Variants in SSBP2 observed in about 807,000 individuals in gnomAD.
SSBP2 encodes the protein single-stranded DNA-binding protein 2.
A neutral mutation model predicts 61.8 loss-of-function variants in SSBP2; 17 were observed. The observed-to-expected ratio is 0.28, with a 90% confidence interval of 0.19 to 0.41. SSBP2 has a LOEUF of 0.41. SSBP2 is among the 10% of genes least tolerant of loss of function. The pLI is 1.00. For missense variants in SSBP2, 310 were observed against 458.7 expected, an observed-to-expected ratio of 0.68 and a Z score of 2.96; for synonymous variants, 139 against 141.3, an observed-to-expected ratio of 0.98 and a Z score of 0.12.
At chr5:81,744,719 A>T (rs1029532696) in intron 1 of SSBP2, among the ~76,000 whole-genome samples, 1 of 152,148 alleles carries the variant, frequency 6.6e-6, no homozygotes, top group Non-Finnish European at 1.5e-5. Flanking sequence ...GAAGATCAAA[A>T]ATAGGAGATT....
intron 6 of SSBP2, among the ~76,000 whole-genome samples, chr5:81,482,652 G>A (rs1766081940): frequency 6.6e-6 from 1 of 152,144 alleles, no homozygotes; most frequent in Non-Finnish European, 1.5e-5. Context: ...GCCTCACTCT[G>A]GATTAGGCTT....
chr5:81,485,562 T>C (rs952868640), intron 6 of SSBP2, among the ~76,000 whole-genome samples: 3 of 152,232 alleles, frequency 2.0e-5, no homozygotes, highest in African/African-American at 7.2e-5. Context: ...AAGAGGTTAC[T>C]ATTTCTATTT....
intron 1 of SSBP2, among the ~76,000 whole-genome samples, chr5:81,662,585 C>T (rs1199372708): frequency 1.3e-5 from 2 of 151,336 alleles, no homozygotes; most frequent in African/African-American, 4.9e-5. Flanking sequence ...AGGTGAATCA[C>T]GAGGTCAGGA....
intron 4 of SSBP2, among the ~76,000 whole-genome samples, chr5:81,530,345 T>G (rs1770294876): frequency 6.6e-6 from 1 of 152,066 alleles, no homozygotes; most frequent in Non-Finnish European, 1.5e-5. Flanking sequence ...GATACACAAT[T>G]AGAGGTATTT....
intron 1 of SSBP2, among the ~76,000 whole-genome samples, chr5:81,728,834 T>C (rs186790462): frequency 6.6e-6 from 1 of 152,336 alleles, no homozygotes; most frequent in East Asian, 1.9e-4. Context: ...ACGCATCTAC[T>C]GAATCCCTAC....
chr5:81,710,764 G>T, intron 1 of SSBP2: 1 of 435,962 alleles, frequency 2.3e-6, no homozygotes. Context: ...AGGCACAGAT[G>T]AATTCTAAAA....
chr5:81,520,559 T>A (rs1282639408), intron 4 of SSBP2, among the ~76,000 whole-genome samples: 2 of 152,172 alleles, frequency 1.3e-5, no homozygotes, highest in Non-Finnish European at 2.9e-5. Flanking sequence ...TTTTATTTTT[T>A]AATTTGTTTT....
chr5:81,511,932 T>C (rs1480261306), intron 5 of SSBP2, among the ~76,000 whole-genome samples: 1 of 152,068 alleles, frequency 6.6e-6, no homozygotes, highest in African/African-American at 2.4e-5. Flanking sequence ...AGATAAAAGA[T>C]AGGCAAACGG....
intron 1 of SSBP2, among the ~76,000 whole-genome samples, chr5:81,733,121 AAAAT>A (rs1330893127): frequency 2.0e-5 from 3 of 152,180 alleles, no homozygotes; most frequent in African/African-American, 7.2e-5. Flanking sequence ...CTTCCTAGGG[AAAAT>A]AAATAGGCCT....
intron 5 of SSBP2, among the ~76,000 whole-genome samples, chr5:81,490,688 A>G (rs1766793171): frequency 6.6e-6 from 1 of 152,206 alleles, no homozygotes; most frequent in South Asian, 2.1e-4. Flanking sequence ...TCTAAAAAAT[A>G]AAATCCTAAT....
At chr5:81,593,122 T>A (rs1743267838) in intron 4 of SSBP2, among the ~76,000 whole-genome samples, 2 of 151,906 alleles carry the variant, frequency 1.3e-5, no homozygotes, top group Admixed American at 1.3e-4. Context: ...ATAACTAGAA[T>A]AACCAATGCA....
chr5:81,448,781 T>G lies in SSBP2; in HGVS notation c.723+9A>C, dbSNP rs753521909. The G allele has an allele frequency of 1.9e-6, 3 of 1,612,096 alleles. No individual in the cohort carries two copies. In the Admixed American group the frequency reaches 5.0e-5, roughly 27 times the overall value. On this transcript the variant is annotated intron_variant, in intron 11 of 16. Transcript: ENST00000320672. ...ATTCTTATAAGCAAACAAACCCAAATGTACTTACTACATAATTCCCAGGAG... is the reference window on the plus strand; with the variant it reads ...ATTCTTATAAGCAAACAAACCCAAAGGTACTTACTACATAATTCCCAGGAG...
intron 1 of SSBP2, among the ~76,000 whole-genome samples, chr5:81,743,205 T>A (rs981648281): frequency 3.3e-5 from 5 of 152,190 alleles, no homozygotes; most frequent in Non-Finnish European, 7.3e-5. Context: ...ACCAGGCAAG[T>A]ATGGCTTCTT....
At chr5:81,576,826 G>A (rs929951523) in intron 4 of SSBP2, among the ~76,000 whole-genome samples, 1 of 152,060 alleles carries the variant, frequency 6.6e-6, no homozygotes, top group African/African-American at 2.4e-5. Flanking sequence ...GGCAGAAGAA[G>A]TTCAGGGTGT....
chr5:81,682,719 C>A (rs1362948107), intron 1 of SSBP2, among the ~76,000 whole-genome samples: 1 of 151,998 alleles, frequency 6.6e-6, no homozygotes, highest in African/African-American at 2.4e-5. Context: ...TTGAAAAGAT[C>A]AAACTGTCTT....
intron 4 of SSBP2, among the ~76,000 whole-genome samples, chr5:81,565,295 G>T (rs997803833): frequency 6.6e-6 from 1 of 152,068 alleles, no homozygotes; most frequent in African/African-American, 2.4e-5. Flanking sequence ...GAGTTATCTT[G>T]TGACAGCAAC....
intron 4 of SSBP2, among the ~76,000 whole-genome samples, chr5:81,572,826 A>G (rs919746387): frequency 6.6e-6 from 1 of 152,132 alleles, no homozygotes; most frequent in African/African-American, 2.4e-5. Context: ...GATATTTTAA[A>G]TTTTTGAGGG....
chr5:81,544,194 C>T (rs984773884), intron 4 of SSBP2, among the ~76,000 whole-genome samples: 4 of 152,098 alleles, frequency 2.6e-5, no homozygotes, highest in African/African-American at 9.7e-5. Flanking sequence ...GGACTACAGG[C>T]GATGCCACCA....
chr5:81,643,930 T>G (rs940817252), intron 2 of SSBP2, among the ~76,000 whole-genome samples: 6 of 152,138 alleles, frequency 3.9e-5, no homozygotes, highest in African/African-American at 1.4e-4. Flanking sequence ...ATTCAAAAAA[T>G]TAAAGGCAAT....
Sources: gnomAD v4.1 joint callset for allele counts (sites outside exome capture counted in the v4.1 genomes callset) on GRCh38, gnomAD v4.1.1 for gene constraint, MANE v1.5 for transcripts, NCBI Gene and HGNC (gene_info 2026-07-23, HGNC 2026-07-21) for gene names.